Variants in DNAH7 observed in about 807,000 individuals in gnomAD.
DNAH7 encodes the protein dynein axonemal heavy chain 7.
A neutral mutation model predicts 444.6 loss-of-function variants in DNAH7; 397 were observed. The ratio of observed to expected loss-of-function variants is 0.89; its 90% confidence interval spans 0.82 to 0.97. The LOEUF is 0.97. DNAH7 is among the 50% of genes least tolerant of loss of function. The pLI is 0.00. For synonymous variants in DNAH7, 1,636 were observed against 1,624.4 expected, an observed-to-expected ratio of 1.01 and a Z score of -0.17; for missense variants, 4,902 against 4,800.8, an observed-to-expected ratio of 1.02 and a Z score of -0.62.
At chr2:196,021,588 G>C (rs1014122903) in intron 8 of DNAH7, among the ~76,000 whole-genome samples, 2 of 152,078 alleles carry the variant, frequency 1.3e-5, no homozygotes, top group Non-Finnish European at 2.9e-5. Context: ...GGGAGGCCAA[G>C]GTGGGAGGAT....
chr2:196,061,783 T>C (rs1698150523), intron 1 of DNAH7, among the ~76,000 whole-genome samples: 1 of 152,318 alleles, frequency 6.6e-6, no homozygotes, highest in East Asian at 1.9e-4. Flanking sequence ...ATCCTTATTA[T>C]ATCATGTGTC....
chr2:195,836,569 G>T (rs1394741489), intron 47 of DNAH7, among the ~76,000 whole-genome samples: 1 of 151,554 alleles, frequency 6.6e-6, no homozygotes, highest in Admixed American at 6.6e-5. Context: ...ATAAAAATTT[G>T]GTGGGGCAGC....
intron 63 of DNAH7, 111 bp from the exon 64 acceptor site, chr2:195,740,980 G>C: frequency 2.1e-6 from 1 of 472,056 alleles, no homozygotes; most frequent in Non-Finnish European, 3.5e-6. Context: ...TAGATTTGCA[G>C]CCTAAGATTT....
intron 41 of DNAH7, 54 bp downstream of exon 41, chr2:195,864,095 G>A (rs1217972065): frequency 5.8e-6 from 9 of 1,559,648 alleles, no homozygotes; most frequent in Non-Finnish European, 7.9e-6. Context: ...AAGTCATGAT[G>A]ATAGTGGAAA....
intron 25 of DNAH7, 43 bp downstream of exon 25, chr2:195,909,982 CTG>C (rs1687259309): frequency 3.9e-5 from 59 of 1,530,178 alleles, no homozygotes; most frequent in Non-Finnish European, 5.1e-5. Context: ...ATAACCATCT[CTG>C]ATCAGTTATC....
intron 10 of DNAH7, among the ~76,000 whole-genome samples, chr2:196,005,193 G>A (rs1471296030): frequency 6.6e-6 from 1 of 151,848 alleles, no homozygotes; most frequent in African/African-American, 2.4e-5. Context: ...AAAATGGCAT[G>A]AACCCGGGAG....
chr2:195,820,780 A>G (rs1697430470), intron 49 of DNAH7, among the ~76,000 whole-genome samples: 2 of 152,224 alleles, frequency 1.3e-5, no homozygotes, highest in Non-Finnish European at 2.9e-5. Context: ...TTTAATTCGA[A>G]TCATAAAACA....
intron 12 of DNAH7, chr2:195,994,282 T>C (rs1693548533): frequency 2.4e-6 from 1 of 417,386 alleles, no homozygotes; most frequent in African/African-American, 2.1e-5. Flanking sequence ...AGTGGAAGCT[T>C]TTCCAAATCA....
intron 58 of DNAH7, among the ~76,000 whole-genome samples, chr2:195,780,706 G>A (rs1047902180): frequency 2.6e-5 from 4 of 151,970 alleles, no homozygotes; most frequent in South Asian, 4.1e-4. Context: ...AGCCGAGATC[G>A]TGCCACTGCA....
chr2:196,038,575 T>C (rs879392477), intron 5 of DNAH7, among the ~76,000 whole-genome samples: 2 of 152,080 alleles, frequency 1.3e-5, no homozygotes, highest in Non-Finnish European at 2.9e-5. Context: ...AAAACCCAAC[T>C]ATATGCTGCT....
intron 49 of DNAH7, among the ~76,000 whole-genome samples, chr2:195,824,016 T>C (rs1229405522): frequency 3.3e-5 from 5 of 152,188 alleles, no homozygotes; most frequent in African/African-American, 9.6e-5. Flanking sequence ...AAGAATCATA[T>C]CAATTGTAGA....
At chr2:195,746,812 C>A (rs998789724) in intron 63 of DNAH7, among the ~76,000 whole-genome samples, 1 of 152,066 alleles carries the variant, frequency 6.6e-6, no homozygotes, top group African/African-American at 2.4e-5. Flanking sequence ...AACAAAGACA[C>A]AACATACCAG....
chr2:195,951,897 G>A (rs1310212417), intron 19 of DNAH7, among the ~76,000 whole-genome samples: 1 of 152,116 alleles, frequency 6.6e-6, no homozygotes, highest in Admixed American at 6.5e-5. Context: ...GTGACAGTCT[G>A]TGTCTTTTAA....
chr2:195,785,133 G>A (rs1695556364), intron 58 of DNAH7, among the ~76,000 whole-genome samples: 1 of 152,006 alleles, frequency 6.6e-6, no homozygotes, highest in South Asian at 2.1e-4. Context: ...GGATGATCTC[G>A]ATCTCCTGAC....
chr2:195,816,608 C>G lies in DNAH7; in HGVS notation c.9761+20G>C. The G allele has an allele frequency of 6.5e-7, 1 of 1,542,092 alleles. No individual in the cohort carries two copies. Among genetic ancestry groups the G allele is most frequent in the Non-Finnish European group, 8.9e-7 (1 of 1,122,678 alleles). On this transcript the variant is annotated intron_variant, in intron 51 of 64. Transcript: ENST00000312428. ...TCATGCATTAATTAGTTAATATTAA[C>G]TAGTATTTCCTTTACATACCTTTTT...
At chr2:195,759,948 G>T (rs542114751) in intron 61 of DNAH7, among the ~76,000 whole-genome samples, 47 of 152,290 alleles carry the variant, frequency 3.1e-4, no homozygotes, top group African/African-American at 1.0e-3. Flanking sequence ...AAAGTGCTGG[G>T]ATTATAGGTG....
At chr2:195,895,727 C>T (rs1702270829) in intron 29 of DNAH7, among the ~76,000 whole-genome samples, 1 of 152,076 alleles carries the variant, frequency 6.6e-6, no homozygotes, top group African/African-American at 2.4e-5. Context: ...TACCTCCATC[C>T]CCAGATTGCC....
At chr2:195,916,573 C>T (rs1224340518) in intron 24 of DNAH7, among the ~76,000 whole-genome samples, 1 of 152,036 alleles carries the variant, frequency 6.6e-6, no homozygotes, top group African/African-American at 2.4e-5. Context: ...AACAGAAACA[C>T]CTGGCTGGGC....
intron 49 of DNAH7, among the ~76,000 whole-genome samples, chr2:195,820,707 T>C (rs1269543872): frequency 6.6e-6 from 1 of 152,168 alleles, no homozygotes; most frequent in African/African-American, 2.4e-5. Flanking sequence ...TTAACCTAAA[T>C]TGTAGCAGCT....
Sources: gnomAD v4.1 joint callset for allele counts (sites outside exome capture counted in the v4.1 genomes callset) on GRCh38, gnomAD v4.1.1 for gene constraint, MANE v1.5 for transcripts, NCBI Gene and HGNC (gene_info 2026-07-23, HGNC 2026-07-21) for gene names.